Variants in ZNF626 observed in about 807,000 individuals in gnomAD.
ZNF626 encodes the protein CTC-513N18.7.
In ZNF626, 4 loss-of-function variants were observed where a neutral mutation model predicts 11.7. The ratio of observed to expected loss-of-function variants is 0.34; its 90% CI spans 0.17 to 0.78. The LOEUF (loss-of-function observed/expected upper bound fraction) is 0.78, where lower values mean the gene tolerates loss of function less well. ZNF626 is among the 30% of genes least tolerant of loss of function. The pLI is 0.57. For synonymous variants in ZNF626, 179 were observed against 198.6 expected, an observed-to-expected ratio of 0.90 and a Z score of 0.83; for missense variants, 588 against 587.1, an observed-to-expected ratio of 1.00 and a Z score of -0.01.
rs564545693 is a variant in ZNF626 at position 20,643,865 on chromosome 19, T to C, written c.226+1819A>G. Reference sequence around the variant, plus strand: ...AGAGATGTGAGATCCAGGGATGCAGTTGTGAAACCCTATTAAAGCTGAAGT... The same window carrying C: ...AGAGATGTGAGATCCAGGGATGCAGCTGTGAAACCCTATTAAAGCTGAAGT... On this transcript the variant is annotated intron_variant, in intron 3 of 3. Transcript: ENST00000601440. Among the ~76,000 whole-genome samples, 4 of 152,330 alleles carry C rather than the reference T, an allele frequency of 2.6e-5. No individual in the cohort carries two copies. In the South Asian group the frequency reaches 8.3e-4, roughly 32 times the overall value.
At chr19:20,658,468 T>C (rs1489715836) in intron 1 of ZNF626, among the ~76,000 whole-genome samples, 1 of 152,258 alleles carries the variant, frequency 6.6e-6, no homozygotes, top group East Asian at 1.9e-4. Context: ...TGGGTGGGAA[T>C]CCTGTGGTGG....
chr19:20,633,169 G>T (rs1555770552), intron 3 of ZNF626, among the ~76,000 whole-genome samples: 4 of 152,142 alleles, frequency 2.6e-5, no homozygotes. Flanking sequence ...GGAGTACCCG[G>T]CCGTGTCAGG....
At chr19:20,660,010 G>A (rs1432771907) in intron 1 of ZNF626, among the ~76,000 whole-genome samples, 1 of 151,886 alleles carries the variant, frequency 6.6e-6, no homozygotes, top group Non-Finnish European at 1.5e-5. Flanking sequence ...GGCTCACACC[G>A]ATAATGCCAG....
chr19:20,653,804 C>T (rs1246454309), intron 1 of ZNF626, among the ~76,000 whole-genome samples: 1 of 152,126 alleles, frequency 6.6e-6, no homozygotes, highest in African/African-American at 2.4e-5. Context: ...TCCAACAACA[C>T]ATTTTGATGA....
intron 3 of ZNF626, among the ~76,000 whole-genome samples, chr19:20,635,486 C>T (rs538971726): frequency 1.4e-4 from 21 of 152,176 alleles, no homozygotes; most frequent in African/African-American, 4.8e-4. Flanking sequence ...CCACGCCTGG[C>T]TAATTTTTTG....
At chr19:20,659,101 T>C (rs186713710) in intron 1 of ZNF626, among the ~76,000 whole-genome samples, 15 of 152,322 alleles carry the variant, frequency 9.8e-5, no homozygotes, top group African/African-American at 3.1e-4. Context: ...CCAGGAACAG[T>C]ATACGGAAAG....
intron 3 of ZNF626, among the ~76,000 whole-genome samples, chr19:20,629,053 T>C (rs1377088412): frequency 6.6e-6 from 1 of 152,214 alleles, no homozygotes; most frequent in African/African-American, 2.4e-5. Flanking sequence ...CTTTCCCCAT[T>C]GCTTGTTTTT....
intron 1 of ZNF626, among the ~76,000 whole-genome samples, chr19:20,657,651 C>G (rs1487807526): frequency 6.6e-6 from 1 of 151,832 alleles, no homozygotes; most frequent in Non-Finnish European, 1.5e-5. Flanking sequence ...ACTAAAAATA[C>G]AAAATTAGCT....
rs111632020 is a variant in ZNF626 at position 20,624,292 on chromosome 19, A to C, written c.1585T>G (p.Ter529GluextTer84). 3 of 1,613,138 alleles carry C rather than the reference A, an allele frequency of 1.9e-6. No homozygotes were observed. The South Asian group carries it at 3.3e-5, about 18-fold the overall frequency. ...SGPHTLLHIR[*>E] is the part of the protein sequence containing the mutation. ...GTAGAATTTCTCTCCAGTATGAATT[A>C]TCTTATGTGTAGTAAGGTGTGAGGA... Residue 529 changes from the stop codon to glutamate (E), a stop_lost, in exon 4 of 4, where the codon TAA becomes GAA. Transcript: ENST00000601440.
chr19:20,652,591 A>AT (rs1377164359), intron 1 of ZNF626, among the ~76,000 whole-genome samples: 2 of 152,236 alleles, frequency 1.3e-5, no homozygotes, highest in East Asian at 3.8e-4. Flanking sequence ...TATTAGTTTA[A>AT]TTTATAGCTA....
At chr19:20,646,162 T>C in intron 2 of ZNF626, 117 bp downstream of exon 2, 2 of 1,231,164 alleles carry the variant, frequency 1.6e-6, no homozygotes, top group Non-Finnish European at 1.1e-6. Context: ...CTGAAGATTT[T>C]CTGGAAAATG....
intron 1 of ZNF626, among the ~76,000 whole-genome samples, chr19:20,655,109 CAAA>C (rs35688904): frequency 3.2e-4 from 44 of 138,834 alleles, no homozygotes; most frequent in Middle Eastern, 3.8e-3. Flanking sequence ...GAGACTGTCT[CAAA>C]AAAAAAAAAA....
chr19:20,648,836 T>G (rs1555772229), intron 1 of ZNF626, among the ~76,000 whole-genome samples: 1 of 152,206 alleles, frequency 6.6e-6, no homozygotes, highest in Non-Finnish European at 1.5e-5. Context: ...GGGAACATTT[T>G]TAATATTGCA....
intron 1 of ZNF626, among the ~76,000 whole-genome samples, chr19:20,653,354 C>T (rs1411410492): frequency 6.6e-6 from 1 of 152,074 alleles, no homozygotes; most frequent in Non-Finnish European, 1.5e-5. Flanking sequence ...GCTTAAGAGA[C>T]TGCAAAGATA....
chr19:20,640,206 T>G (rs1443080488), intron 3 of ZNF626, among the ~76,000 whole-genome samples: 1 of 139,580 alleles, frequency 7.2e-6, no homozygotes, highest in Admixed American at 7.3e-5. Context: ...TTTAATTTTT[T>G]AATATTAAAT....
chr19:20,636,093 T>C (rs868906299), intron 3 of ZNF626, among the ~76,000 whole-genome samples: 8 of 152,136 alleles, frequency 5.3e-5, no homozygotes, highest in Admixed American at 4.6e-4. Context: ...GATCCCACCA[T>C]TGTACTGCAG....
rs531515783 is a variant in ZNF626 at position 20,645,196 on chromosome 19, T to C, written c.226+488A>G. The C allele has an allele frequency of 3.5e-6, 4 of 1,155,206 alleles. No homozygotes were observed. In the East Asian group the frequency reaches 9.9e-5, roughly 29 times the overall value. 71.6% of individuals were successfully genotyped at this position (1,155,206 alleles called of 1,614,324 possible). A position where few individuals can be genotyped will look rare whatever the true frequency, so the allele number is the denominator to read the frequency against. On this transcript the variant is annotated intron_variant, in intron 3 of 3. Transcript: ENST00000601440. ...AAGGATGTCATAATTTCAAACTATA[T>C]ATTTCAAGCCTAGATAGTAATAAAA... is the stretch of plus-strand genomic sequence containing the variant.
At chr19:20,639,331 C>T (rs1381378834) in intron 3 of ZNF626, among the ~76,000 whole-genome samples, 1 of 152,156 alleles carries the variant, frequency 6.6e-6, no homozygotes, top group South Asian at 2.1e-4. Context: ...TATTATAGAC[C>T]AACTAGGCTT....
In ZNF626 at chr19:20,625,137, T is replaced by A; in HGVS notation, c.740A>T (p.His247Leu). The A allele has an allele frequency of 1.9e-6, 3 of 1,613,350 alleles. No individual in the cohort carries two copies. Among genetic ancestry groups the A allele is most frequent in the Non-Finnish European group, 2.5e-6 (3 of 1,179,930 alleles). Residue 247 changes from histidine (H) to leucine (L), a missense_variant, in exon 4 of 4, where the codon CAT becomes CTT. By Grantham distance (99) the His-to-Leu change is moderately conservative. Around this residue, in one of 4 missense-constraint regions of ZNF626, gnomAD observed 524 missense variants for 470.1 expected, o/e 1.11. Coordinates refer to ENST00000601440, the MANE Select transcript of ZNF626 (RefSeq NM_001076675.3). Reference protein sequence around the residue: ...AFKHSSTLTTHKRNHTGEKPY... With the variant: ...AFKHSSTLTTLKRNHTGEKPY... Reference sequence around the variant, plus strand: ...TTTCTCTCCAGTATGATTTCTCTTATGTGTAGTAAGAGTGGAGGAGTGCTT... The same window carrying A: ...TTTCTCTCCAGTATGATTTCTCTTAAGTGTAGTAAGAGTGGAGGAGTGCTT...
Sources: allele counts gnomAD v4.1 joint callset (sites outside exome capture counted in the v4.1 genomes callset), GRCh38; gene constraint gnomAD v4.1.1; regional missense constraint gnomAD v4.1.1; transcripts MANE v1.5; gene names NCBI Gene and HGNC (gene_info 2026-07-23, HGNC 2026-07-21).